ARHGAP39: variants seen among roughly 807,000 people sequenced by gnomAD.
The protein encoded by ARHGAP39 is rho GTPase-activating protein 39.
Under a neutral mutation model 106.9 loss-of-function variants are expected in ARHGAP39, and 44 were observed. The ratio of observed to expected loss-of-function variants is 0.41; its 90% CI spans 0.32 to 0.53. The LOEUF is 0.53. Among genes scored for constraint, ARHGAP39 ranks in the 20% least tolerant of loss-of-function variants. The pLI, the probability that ARHGAP39 is intolerant of heterozygous loss-of-function variation, is 0.21. For synonymous variants in ARHGAP39, 768 were observed against 693.2 expected (o/e 1.11, Z -1.69); for missense variants, 1,496 against 1,577.3 (o/e 0.95, Z 0.87).
At chr8:144,588,217 C>A (rs116918131) in intron 2 of ARHGAP39, among the ~76,000 whole-genome samples, 1 of 152,192 alleles carries the variant, frequency 6.6e-6, no homozygotes, top group Non-Finnish European at 1.5e-5. Context: ...GGCATACAGA[C>A]CCAGCAAGAC....
chr8:144,619,726 CCG>C (rs1820738952), intron 1 of ARHGAP39, among the ~76,000 whole-genome samples: 1 of 140,418 alleles, frequency 7.1e-6, no homozygotes, highest in African/African-American at 2.7e-5. Context: ...GCATATGTGT[CCG>C]TGTGCGTGTG....
chr8:144,617,571 A>G (rs2130962557), intron 1 of ARHGAP39, among the ~76,000 whole-genome samples: 1 of 151,816 alleles, frequency 6.6e-6, no homozygotes, highest in African/African-American at 2.4e-5. Context: ...CCAGGAGATA[A>G]GAAACTGAAA....
chr8:144,537,263 G>T (rs545390943), intron 7 of ARHGAP39, among the ~76,000 whole-genome samples: 19 of 152,204 alleles, frequency 1.2e-4, no homozygotes, highest in African/African-American at 4.3e-4. Flanking sequence ...TCAAAGCAGG[G>T]GACGACTCCT....
chr8:144,547,956 T>G lies in ARHGAP39; in HGVS notation c.1130A>C (p.Lys377Thr), dbSNP rs1340218354. ...CAGGCTCAGGAAGCGCTCGGGACAC[T>G]TCTGCTTGGTGAGCACCAGCTGCTG... is the stretch of plus-strand genomic sequence containing the variant. ...PCQQLVLTKQ[K>T]CPERFLSLEY... is the part of the protein sequence containing the mutation. The change falls in exon 5 of 12, where the codon AAG becomes ACG. Residue 377 changes from lysine to threonine, a missense_variant. Lys to Thr is a moderately conservative substitution (Grantham distance 78). Transcript: ENST00000377307. This position sits in a 1 kb window ranked among gnomAD's most constrained non-coding sequence, Gnocchi z 5.2. 4 of 1,600,470 alleles carry G rather than the reference T, an allele frequency of 2.5e-6. No individual in the cohort carries two copies. The highest frequency in any genetic ancestry group is 1.3e-5 in the African/African-American group (1 of 74,556).
At position 144,679,199 on chromosome 8, in the gene ARHGAP39, C is replaced by G. The variant is rs948319103; in HGVS notation, c.-82+6487G>C. Among the ~76,000 whole-genome samples the G allele has an allele frequency of 6.6e-6, 1 of 152,200 alleles. No homozygotes were observed. The highest frequency in any genetic ancestry group is 1.5e-5 in the Non-Finnish European group (1 of 68,026). On this transcript the variant is annotated intron_variant, in intron 1 of 11. Coordinates refer to ENST00000377307, the MANE Select transcript of ARHGAP39 (RefSeq NM_025251.3). The surrounding 1 kb of genome is among the most constrained non-coding windows in gnomAD (Gnocchi z 4.7). ...GCTGAGGGGAGACATCCAGCTGCAC[C>G]TTCAGTCATGGTGAGATGGCCCAGA... is the stretch of plus-strand genomic sequence containing the variant.
rs60966946 is a variant in ARHGAP39, at chr8:144,608,156, CA to C, written c.-81-2462del. 7.9e-3 allele frequency among the ~76,000 whole-genome samples: 764 copies of C among 96,116 alleles called. 1 individual carries two copies. Among genetic ancestry groups the C allele is most frequent in the African/African-American group, 0.02 (434 of 21,708 alleles). The allele number at this position is 96,116 out of a possible 152,430, so 63.1% of individuals were successfully genotyped here. On this transcript the variant is annotated intron_variant, in intron 1 of 11. Coordinates refer to ENST00000377307, the MANE Select transcript of ARHGAP39 (RefSeq NM_025251.3). ...TGGGCGACAGAGCAAGACTCTGTCT[CA>C]AAAAAAAAAAAAAAAAAAAAAAAAG...
chr8:144,599,483 A>C (rs1819760148), intron 2 of ARHGAP39, among the ~76,000 whole-genome samples: 1 of 152,222 alleles, frequency 6.6e-6, no homozygotes, highest in South Asian at 2.1e-4. Context: ...TCACAATAGA[A>C]ACCCAGGAGA....
At chr8:144,651,097 C>A (rs1563724204) in intron 1 of ARHGAP39, among the ~76,000 whole-genome samples, 1 of 152,152 alleles carries the variant, frequency 6.6e-6, no homozygotes. Flanking sequence ...CACTAGCATT[C>A]CTATACACCA....
intron 1 of ARHGAP39, among the ~76,000 whole-genome samples, chr8:144,634,897 C>T (rs1234250440): frequency 6.6e-6 from 1 of 152,256 alleles, no homozygotes; most frequent in Non-Finnish European, 1.5e-5. Flanking sequence ...ACTCCAGGCC[C>T]TGTGCGGGTG....
At position 144,592,457 on chromosome 8, in the gene ARHGAP39, G is replaced by A. The variant is rs550573876; in HGVS notation, c.81-11180C>T. ...GACAGCACTGAGCCCAGACCCTCGG[G>A]AAACCTGAGGGCACCTCCTGGGGGA... On this transcript the variant is annotated intron_variant, in intron 2 of 11. Coordinates refer to ENST00000377307, the MANE Select transcript of ARHGAP39 (RefSeq NM_025251.3). 4.9e-4 allele frequency among the ~76,000 whole-genome samples: 61 copies of A among 123,496 alleles called. 1 individual carries two copies. Among genetic ancestry groups the A allele is most frequent in the African/African-American group, 1.9e-3 (59 of 30,504 alleles). 81.0% of individuals were successfully genotyped at this position (123,496 alleles called of 152,430 possible).
At chr8:144,600,897 G>A (rs1819876677) in intron 2 of ARHGAP39, among the ~76,000 whole-genome samples, 1 of 149,180 alleles carries the variant, frequency 6.7e-6, no homozygotes, top group Non-Finnish European at 1.5e-5. Flanking sequence ...ACCTGTGCGT[G>A]TGCGTGGTGT....
intron 7 of ARHGAP39, among the ~76,000 whole-genome samples, chr8:144,535,098 CAGCGCCT>C (rs1372260138): frequency 2.0e-5 from 3 of 152,228 alleles, no homozygotes; most frequent in Non-Finnish European, 4.4e-5. Flanking sequence ...CCCCAGCGCC[CAGCGCCT>C]ACCGCCTGCC....
rs1189469992 is a variant in ARHGAP39 at position 144,529,211 on chromosome 8, G to C, written c.*1211C>G. The C allele has an allele frequency of 1.4e-5, 4 of 292,310 alleles. No homozygotes were observed. In the East Asian group the frequency reaches 2.4e-4, roughly 18 times the overall value. The allele number at this position is 292,310 out of a possible 1,614,324, so 18.1% of individuals were successfully genotyped here. A position where few individuals can be genotyped will look rare whatever the true frequency, so the allele number is the denominator to read the frequency against. On this transcript the variant is annotated 3_prime_UTR_variant, in exon 12 of 12. Coordinates refer to ENST00000377307, the MANE Select transcript of ARHGAP39 (RefSeq NM_025251.3). Reference sequence around the variant, plus strand: ...CATGTGCACTTTATTCACTCGTGTCGTCGCCTCTCGGGTCCATGCGTCGGG... The same window carrying C: ...CATGTGCACTTTATTCACTCGTGTCCTCGCCTCTCGGGTCCATGCGTCGGG...
rs2129669612 is a variant in ARHGAP39 at position 144,657,152 on chromosome 8, T to C, written c.-82+28534A>G. On this transcript the variant is annotated intron_variant, in intron 1 of 11. Transcript: ENST00000377307. ...CTCATGCCTGTAATTCCAGCACTTT[T>C]GCAGGCCAAGGTGGGTAGATTGTTT... 2.6e-5 allele frequency among the ~76,000 whole-genome samples: 4 copies of C among 151,938 alleles called. No individual in the cohort carries two copies. The Middle Eastern group carries it at 0.014, about 524-fold the overall frequency.
chr8:144,617,601 A>AG (rs1820672213), intron 1 of ARHGAP39, among the ~76,000 whole-genome samples: 1 of 151,204 alleles, frequency 6.6e-6, no homozygotes, highest in African/African-American at 2.4e-5. Flanking sequence ...AAAAAAAAAA[A>AG]GGCAGGAGCA....
intron 1 of ARHGAP39, among the ~76,000 whole-genome samples, chr8:144,672,495 G>C (rs1180959234): frequency 9.2e-5 from 14 of 152,308 alleles, no homozygotes; most frequent in Middle Eastern, 3.4e-3. Flanking sequence ...AAGGAAAATA[G>C]ACTCAAACAC....
chr8:144,586,854 C>A lies in ARHGAP39; in HGVS notation c.81-5577G>T, dbSNP rs1186548281. ...ACCCTACATGGCTGCACGCCCATCT[C>A]ATACACCAGGATGGGCAATGATATG... On this transcript the variant is annotated intron_variant, in intron 2 of 11. Coordinates refer to ENST00000377307, the MANE Select transcript of ARHGAP39 (RefSeq NM_025251.3). This position sits in a 1 kb window ranked among gnomAD's most constrained non-coding sequence, Gnocchi z 4.2. Among the ~76,000 whole-genome samples, 2 of 152,246 alleles carry A rather than the reference C, an allele frequency of 1.3e-5. No individual in the cohort carries two copies. The highest frequency in any genetic ancestry group is 2.4e-5 in the African/African-American group (1 of 41,458).
chr8:144,568,143 C>A (rs889339604), intron 3 of ARHGAP39, among the ~76,000 whole-genome samples: 2 of 151,846 alleles, frequency 1.3e-5, no homozygotes, highest in Non-Finnish European at 2.9e-5. Flanking sequence ...ATCAGCCTGG[C>A]CAACATGGTG....
chr8:144,623,313 T>C (rs1189963695), intron 1 of ARHGAP39, among the ~76,000 whole-genome samples: 1 of 152,024 alleles, frequency 6.6e-6, no homozygotes, highest in African/African-American at 2.4e-5. Context: ...CAAGGAAAGA[T>C]GGTGGAAATA....
Sources: allele counts gnomAD v4.1 joint callset (sites outside exome capture counted in the v4.1 genomes callset), GRCh38; gene constraint gnomAD v4.1.1; non-coding constraint Gnocchi (gnomAD v3.1); transcripts MANE v1.5; gene names NCBI Gene and HGNC (gene_info 2026-07-23, HGNC 2026-07-21).